CIP2A: variants seen among roughly 807,000 people sequenced by gnomAD.
CIP2A encodes protein CIP2A.
In CIP2A, 103 loss-of-function variants were observed where a neutral mutation model predicts 110.9. The ratio of observed to expected loss-of-function variants is 0.93; its 90% CI spans 0.79 to 1.09. The LOEUF is 1.09. Ranked by LOEUF, CIP2A falls within the 50% of genes least tolerant of loss-of-function variation. CIP2A has a pLI of 0.00. For missense variants in CIP2A, 1,088 were observed against 1,038.4 expected (o/e 1.05, Z -0.66); for synonymous variants, 381 against 361.6 (o/e 1.05, Z -0.61).
chr3:108,570,625 G>T (rs541545971), intron 8 of CIP2A, among the ~76,000 whole-genome samples: 3 of 152,122 alleles, frequency 2.0e-5, no homozygotes, highest in African/African-American at 7.2e-5. Context: ...GAAAAATACA[G>T]TATAAAAGAT....
intron 9 of CIP2A, among the ~76,000 whole-genome samples, chr3:108,568,880 T>C (rs147954176): frequency 1.3e-5 from 2 of 151,816 alleles, no homozygotes; most frequent in African/African-American, 2.4e-5. Context: ...TTAGACAGAA[T>C]GGATTTATAA....
chr3:108,552,840 C>A (rs1396679167), intron 19 of CIP2A, among the ~76,000 whole-genome samples: 1 of 152,092 alleles, frequency 6.6e-6, no homozygotes, highest in Non-Finnish European at 1.5e-5. Context: ...CCAAATACTC[C>A]AAGTTTTCAC....
At chr3:108,568,082 G>T in intron 10 of CIP2A, 73 bp downstream of exon 10, 1 of 1,081,488 alleles carries the variant, frequency 9.2e-7, no homozygotes, top group Non-Finnish European at 1.3e-6. Context: ...AAGACAAAAT[G>T]CAGTGAATGC....
intron 8 of CIP2A, among the ~76,000 whole-genome samples, chr3:108,575,562 G>A (rs201752020): frequency 0.52 from 46,275 of 88,276 alleles, 9,420 homozygotes; most frequent in East Asian, 0.67. Flanking sequence ...GTATATATAC[G>A]TGTATATATA....
intron 10 of CIP2A, 99 bp downstream of exon 10, chr3:108,568,056 T>C (rs1938244684): frequency 1.1e-6 from 1 of 914,138 alleles, no homozygotes; most frequent in Non-Finnish European, 1.6e-6. Context: ...GAGCATAAAG[T>C]GACAAATTAC....
chr3:108,553,919 A>AAAAAAT (rs1252066318), intron 18 of CIP2A, among the ~76,000 whole-genome samples, 189 bp from the exon 19 acceptor site: 4 of 141,542 alleles, frequency 2.8e-5, no homozygotes, highest in Non-Finnish European at 6.2e-5. Flanking sequence ...AAAAAAAAAA[A>AAAAAAT]GGTCTCGTTC....
chr3:108,560,775 T>C lies in CIP2A; in HGVS notation c.1701A>G (p.Lys567=). The part of the protein sequence containing the change: ...RQQETEHIPR[K]MPWQSSNHSF... ...TGTGATTTGATGATTGCCAGGGCAT[T>C]TTTCTGGGTATATGTTCTGTTTCCT... Residue 567 remains lysine (K), a synonymous_variant, in exon 14 of 21, where the codon AAA becomes AAG. Transcript: ENST00000295746. The C allele has an allele frequency of 6.2e-7, 1 of 1,613,306 alleles. No individual in the cohort carries two copies. The highest frequency in any genetic ancestry group is 1.7e-5 in the Admixed American group (1 of 59,972).
Position 108,554,459 on chromosome 3 carries a change from A to C in CIP2A, c.2241T>G (p.Asp747Glu). ...RNESTEKKNKDLQITCDSLNK... is the reference protein window; with the variant it reads ...RNESTEKKNKELQITCDSLNK... ...TCAGAGAATCACATGTGATCTGTAA[A>C]TCTTTATTCTTCTTTTCAGTACTTT... is the stretch of plus-strand genomic sequence containing the variant. Residue 747 changes from aspartate to glutamate, a missense_variant, in exon 18 of 21, where the codon GAT becomes GAG. Coordinates refer to ENST00000295746, the MANE Select transcript of CIP2A (RefSeq NM_020890.3). 1 of 1,527,482 alleles carries C rather than the reference A, an allele frequency of 6.5e-7. No individual in the cohort carries two copies. Among genetic ancestry groups the C allele is most frequent in the Non-Finnish European group, 9.0e-7 (1 of 1,111,038 alleles). 94.6% of individuals were successfully genotyped at this position (1,527,482 alleles called of 1,614,324 possible).
rs751025669 is a variant in CIP2A, at chr3:108,557,340, C to T, written c.2088G>A (p.Gln696=). Residue 696 remains glutamine, a synonymous_variant, in exon 17 of 21, where the codon CAG becomes CAA. Transcript: ENST00000295746. The part of the protein sequence containing the change: ...NEELSVLLKA[Q]QVESERAQSD... The stretch of plus-strand genomic sequence containing the variant: ...TCTGCGCTCTTTCTGATTCAACTTG[C>T]TGCGCCTTCAGCAACACACTAAGCT... 1.9e-6 allele frequency: 3 copies of T among 1,612,554 alleles called. No individual in the cohort carries two copies. The South Asian group carries it at 3.3e-5, about 18-fold the overall frequency.
At chr3:108,563,053 T>C in intron 13 of CIP2A, 73 bp downstream of exon 13, 6 of 902,742 alleles carry the variant, frequency 6.6e-6, no homozygotes, top group Non-Finnish European at 1.1e-5. Flanking sequence ...TGTGTATCTA[T>C]ACTGAGGACT....
intron 5 of CIP2A, among the ~76,000 whole-genome samples, chr3:108,581,097 C>T (rs1180394066): frequency 1.3e-5 from 2 of 152,178 alleles, no homozygotes; most frequent in African/African-American, 4.8e-5. Context: ...TGATGTGCCT[C>T]CCTTCTAAGA....
Position 108,553,083 on chromosome 3 carries a change from T to A in CIP2A, c.2407+565A>T, listed in dbSNP as rs937867345. Among the ~76,000 whole-genome samples, 16 of 150,084 alleles carry A rather than the reference T, an allele frequency of 1.1e-4. 1 individual carries two copies. The highest frequency in any genetic ancestry group is 3.0e-5 in the Non-Finnish European group (2 of 67,572). On this transcript the variant is annotated intron_variant, in intron 19 of 20. Transcript: ENST00000295746. ...TCTAAAAGTTGAAATAATAAAAAAATTAAATTAAATTAAATGGTCAATCAT... is the reference window on the plus strand; with the variant it reads ...TCTAAAAGTTGAAATAATAAAAAAAATAAATTAAATTAAATGGTCAATCAT...
chr3:108,560,134 T>C (rs948944994), intron 14 of CIP2A, 106 bp from the exon 15 acceptor site: 3 of 649,966 alleles, frequency 4.6e-6, no homozygotes, highest in Non-Finnish European at 8.0e-6. Flanking sequence ...TAATGATGAG[T>C]AACAAAATAA....
Position 108,557,232 on chromosome 3 carries a change from C to A in CIP2A, c.2196G>T (p.Met732Ile). The A allele has an allele frequency of 6.3e-7, 1 of 1,588,796 alleles. No homozygotes were observed. Among genetic ancestry groups the A allele is most frequent in the Non-Finnish European group, 8.6e-7 (1 of 1,162,328 alleles). ...ACTTTATTTACCTCTGAAGAAGTTC[C>A]ATGTAGGATTTTGTCAGTATTTCAT... ...EEHEILTKSY[M>I]ELLQRNESTE... Residue 732 changes from methionine (M) to isoleucine (I), a missense_variant, in exon 17 of 21, where the codon ATG becomes ATT. Physicochemically the swap from Met to Ile is conservative, Grantham distance 10. Transcript: ENST00000295746.
chr3:108,582,959 C>T lies in CIP2A; in HGVS notation c.357+18G>A. ...CTGACAGTAAGGAAAGGGGAATACA[C>T]TGTGTGGGTCTGTATACCTGCAAAA... is the stretch of plus-strand genomic sequence containing the variant. On this transcript the variant is annotated intron_variant, in intron 3 of 20. Coordinates refer to ENST00000295746, the MANE Select transcript of CIP2A (RefSeq NM_020890.3). 6.7e-6 allele frequency: 10 copies of T among 1,498,132 alleles called. No individual in the cohort carries two copies. Among genetic ancestry groups the T allele is most frequent in the Admixed American group, 1.8e-5 (1 of 56,858 alleles). 92.8% of individuals were successfully genotyped at this position (1,498,132 alleles called of 1,614,324 possible). A position where few individuals can be genotyped will look rare whatever the true frequency, so the allele number is the denominator to read the frequency against.
At chr3:108,579,543 T>A in intron 6 of CIP2A, 23 bp downstream of exon 6, 2 of 1,577,246 alleles carry the variant, frequency 1.3e-6, no homozygotes, top group African/African-American at 1.4e-5. Context: ...AACTTCAGAA[T>A]AAATTTGAAA....
intron 5 of CIP2A, among the ~76,000 whole-genome samples, chr3:108,580,237 A>C (rs1398761834): frequency 1.3e-5 from 2 of 152,244 alleles, no homozygotes; most frequent in African/African-American, 4.8e-5. Context: ...TTTGCTGATT[A>C]GCATTTAGAT....
chr3:108,563,116 T>C lies in CIP2A; in HGVS notation c.1634+10A>G. 6.5e-7 allele frequency: 1 copy of C among 1,540,914 alleles called. No individual in the cohort carries two copies. Among genetic ancestry groups the C allele is most frequent in the South Asian group, 1.1e-5 (1 of 89,468 alleles). The stretch of plus-strand genomic sequence containing the variant: ...CCACAAGAGATACACTGCAAATGAT[T>C]ACAACTCACACTAAAGCAGGAAAAT... On this transcript the variant is annotated intron_variant, in intron 13 of 20. Transcript: ENST00000295746.
intron 1 of CIP2A, chr3:108,585,832 T>A: frequency 2.2e-6 from 1 of 451,766 alleles, no homozygotes; most frequent in Non-Finnish European, 4.4e-6. Context: ...AAATTTTATT[T>A]CTGATTATTC....
Sources: gnomAD v4.1 joint callset for allele counts (sites outside exome capture counted in the v4.1 genomes callset) on GRCh38, gnomAD v4.1.1 for gene constraint, MANE v1.5 for transcripts, NCBI Gene and HGNC (gene_info 2026-07-23, HGNC 2026-07-21) for gene names.